Variants in CCDC158 observed in about 807,000 individuals in gnomAD.
CCDC158 encodes the protein coiled-coil domain containing 158.
CCDC158 carries 116 observed loss-of-function variants against 138.6 expected under a neutral mutation model. The observed-to-expected ratio is 0.84, with a 90% CI of 0.72 to 0.98. The LOEUF (loss-of-function observed/expected upper bound fraction) is 0.98. Among genes scored for constraint, CCDC158 ranks in the 50% least tolerant of loss-of-function variants. The pLI, the probability that CCDC158 is intolerant of heterozygous loss-of-function variation, is 0.00. For missense variants in CCDC158, 1,265 were observed against 1,306.1 expected, an observed-to-expected ratio of 0.97 and a Z score of 0.48; for synonymous variants, 436 against 442.4, an observed-to-expected ratio of 0.99 and a Z score of 0.18.
At chr4:76,407,906 C>T (rs985494162) in intron 2 of CCDC158, among the ~76,000 whole-genome samples, 2 of 152,062 alleles carry the variant, frequency 1.3e-5, no homozygotes, top group Non-Finnish European at 2.9e-5. Context: ...TGAATGCTTG[C>T]GTTATTCATC....
At chr4:76,407,529 G>A (rs962378017) in intron 2 of CCDC158, among the ~76,000 whole-genome samples, 10 of 152,094 alleles carry the variant, frequency 6.6e-5, no homozygotes, top group African/African-American at 2.4e-4. Context: ...TCATTTAAAC[G>A]AGTTTCATTG....
chr4:76,383,957 G>GA, intron 6 of CCDC158, 131 bp downstream of exon 6: 1 of 767,794 alleles, frequency 1.3e-6, no homozygotes, highest in Non-Finnish European at 2.0e-6. Context: ...GATTACTGTG[G>GA]AAGTAACTTC....
At chr4:76,403,008 A>C in intron 3 of CCDC158, 130 bp downstream of exon 3, 1 of 649,550 alleles carries the variant, frequency 1.5e-6, no homozygotes, top group Non-Finnish European at 2.7e-6. Context: ...TATAAACAAT[A>C]TGGTAGACAT....
At chr4:76,392,709 C>A (rs1266744666) in intron 4 of CCDC158, among the ~76,000 whole-genome samples, 1 of 151,888 alleles carries the variant, frequency 6.6e-6, no homozygotes, top group Non-Finnish European at 1.5e-5. Context: ...TCCTTGTTTC[C>A]AGATGATATA....
chr4:76,416,327 G>C (rs1483671156), intron 1 of CCDC158, among the ~76,000 whole-genome samples: 1 of 152,134 alleles, frequency 6.6e-6, no homozygotes, highest in African/African-American at 2.4e-5. Flanking sequence ...TCCGCGTCTT[G>C]GTTGTAGTGG....
Position 76,367,544 on chromosome 4 carries a change from T to C in CCDC158, c.1580A>G (p.Asp527Gly), listed in dbSNP as rs1724799498. Residue 527 changes from aspartate to glycine, a missense_variant, in exon 12 of 25, where the codon GAC becomes GGC. Coordinates refer to ENST00000682701, the MANE Select transcript of CCDC158 (RefSeq NM_001394954.1). ...GTGTTGCAGCTCCTGCAATTTCAAG[T>C]CCACCCGGGAGCGGAGCTTTGTGAT... ...AEITKLRSRV[D>G]LKLQELQHLK... 1 of 1,614,056 alleles carries C rather than the reference T, an allele frequency of 6.2e-7. No individual in the cohort carries two copies. Among genetic ancestry groups the C allele is most frequent in the South Asian group, 1.1e-5 (1 of 91,088 alleles).
In CCDC158 at chr4:76,353,047, C is replaced by A. The variant is rs1578946632; in HGVS notation, c.2445+76G>T. ...ACATTCAGTTCCTGTCTACATAGAG[C>A]TTTTGTTCAGAACAATTCTATTTGG... On this transcript the variant is annotated intron_variant, in intron 16 of 24. Coordinates refer to ENST00000682701, the MANE Select transcript of CCDC158 (RefSeq NM_001394954.1). 1.6e-5 allele frequency: 20 copies of A among 1,257,718 alleles called. No individual in the cohort carries two copies. In the South Asian group the frequency reaches 2.6e-4, roughly 16 times the overall value. 77.9% of individuals were successfully genotyped at this position (1,257,718 alleles called of 1,614,324 possible).
At chr4:76,352,062 G>A in intron 16 of CCDC158, 3 of 322,924 alleles carry the variant, frequency 9.3e-6, no homozygotes, top group Admixed American at 4.9e-5. Flanking sequence ...AATGAACTAA[G>A]GATGGAATGA....
Position 76,396,365 on chromosome 4 carries a change from A to T in CCDC158, c.192T>A (p.Pro64=). The T allele has an allele frequency of 6.2e-7, 1 of 1,613,840 alleles. No individual in the cohort carries two copies. The highest frequency in any genetic ancestry group is 8.5e-7 in the Non-Finnish European group (1 of 1,179,746). ...TTCCAGGAGATGGGATGATTTTTCTAGGAGAATCAAGTTCCACTTCATATT... is the reference window on the plus strand; with the variant it reads ...TTCCAGGAGATGGGATGATTTTTCTTGGAGAATCAAGTTCCACTTCATATT... ...FPKYEVELDS[P]RKIIPSPGKE... Residue 64 remains proline (P), a synonymous_variant, in exon 4 of 25, where the codon CCT becomes CCA. Transcript: ENST00000682701.
In CCDC158 at chr4:76,355,291, G is replaced by C. The variant is rs1005646885; in HGVS notation, c.2286+33C>G. Reference sequence around the variant, plus strand: ...TCGTGGTCTGCCTGTGAGTGAACATGTTGGTTTCCCCACTCTGAGGACAGC... The same window carrying C: ...TCGTGGTCTGCCTGTGAGTGAACATCTTGGTTTCCCCACTCTGAGGACAGC... On this transcript the variant is annotated intron_variant, in intron 15 of 24. Coordinates refer to ENST00000682701, the MANE Select transcript of CCDC158 (RefSeq NM_001394954.1). The C allele has an allele frequency of 2.2e-6, 3 of 1,363,554 alleles. No homozygotes were observed. The Admixed American group carries it at 5.0e-5, about 23-fold the overall frequency. The allele number at this position is 1,363,554 out of a possible 1,614,324, so 84.5% of individuals were successfully genotyped here.
chr4:76,332,533 A>G (rs766810112), intron 19 of CCDC158, 42 bp from the exon 20 acceptor site: 8 of 1,397,200 alleles, frequency 5.7e-6, no homozygotes. Context: ...TATAAAGCAC[A>G]ATTTCATCCA....
chr4:76,327,404 T>C (rs1720623354), intron 22 of CCDC158, among the ~76,000 whole-genome samples: 3 of 152,186 alleles, frequency 2.0e-5, no homozygotes, highest in African/African-American at 7.2e-5. Context: ...ATTTTGTCAT[T>C]GTGCAACCAT....
At chr4:76,336,521 A>G (rs1560798666) in intron 18 of CCDC158, among the ~76,000 whole-genome samples, 1 of 152,176 alleles carries the variant, frequency 6.6e-6, no homozygotes, top group Non-Finnish European at 1.5e-5. Flanking sequence ...CATTCTAGTA[A>G]TATGCTTATC....
intron 9 of CCDC158, 75 bp downstream of exon 9, chr4:76,379,215 A>G (rs1725991621): frequency 9.5e-6 from 7 of 734,704 alleles, no homozygotes; most frequent in Non-Finnish European, 1.5e-5. Flanking sequence ...TTATTTTCAA[A>G]TAAACTATTA....
chr4:76,395,276 T>A (rs1432779987), intron 4 of CCDC158, among the ~76,000 whole-genome samples: 1 of 152,208 alleles, frequency 6.6e-6, no homozygotes, highest in African/African-American at 2.4e-5. Context: ...TCCTTGTAAG[T>A]CCTACCTTAT....
intron 13 of CCDC158, 105 bp downstream of exon 13, chr4:76,362,021 G>C: frequency 1.2e-6 from 1 of 802,608 alleles, no homozygotes; most frequent in Non-Finnish European, 2.0e-6. Flanking sequence ...ATTCATGTTT[G>C]TCATGTGAGT....
intron 3 of CCDC158, among the ~76,000 whole-genome samples, chr4:76,397,071 G>T (rs1274192210): frequency 2.0e-5 from 3 of 152,160 alleles, no homozygotes; most frequent in Non-Finnish European, 4.4e-5. Context: ...GGGCAAACTG[G>T]TGGTGGTTTT....
chr4:76,376,057 C>CT (rs398063708), intron 9 of CCDC158, among the ~76,000 whole-genome samples: 5,097 of 145,564 alleles, frequency 0.035, 267 homozygotes, highest in African/African-American at 0.12. Context: ...ACAAATCTCA[C>CT]TTTTTTTTTT....
At chr4:76,344,556 T>C in intron 18 of CCDC158, 3 of 1,040,916 alleles carry the variant, frequency 2.9e-6, no homozygotes, top group South Asian at 1.3e-5. Context: ...ATAGCTGACA[T>C]CTGTATCTCT....
Sources: gnomAD v4.1 joint callset for allele counts (sites outside exome capture counted in the v4.1 genomes callset) on GRCh38, gnomAD v4.1.1 for gene constraint, MANE v1.5 for transcripts, NCBI Gene and HGNC (gene_info 2026-07-23, HGNC 2026-07-21) for gene names.